Variants in EPRS1 observed in about 807,000 individuals in gnomAD.
The protein encoded by EPRS1 is bifunctional glutamate/proline--tRNA ligase.
Under a neutral mutation model 188.3 loss-of-function variants are expected in EPRS1, and 107 were observed. The observed-to-expected ratio is 0.57, with a 90% confidence interval of 0.49 to 0.67. The LOEUF is 0.67. EPRS1 is among the 30% of genes least tolerant of loss of function. The probability of loss-of-function intolerance (pLI) is 0.00; values close to 1 mark genes in which losing one functional copy is unlikely to be tolerated. For synonymous variants in EPRS1, 596 were observed against 593.1 expected (o/e 1.00, Z -0.07); for missense variants, 1,577 against 1,802.2 (o/e 0.88, Z 2.26).
At chr1:220,024,997 C>T in intron 7 of EPRS1, 135 bp downstream of exon 7, 1 of 827,496 alleles carries the variant, frequency 1.2e-6, no homozygotes, top group Non-Finnish European at 2.0e-6. Flanking sequence ...GCTTAGGTCT[C>T]AGATATGGAA....
At chr1:219,972,559 A>T (rs1373737810) in intron 29 of EPRS1, among the ~76,000 whole-genome samples, 1 of 152,192 alleles carries the variant, frequency 6.6e-6, no homozygotes, top group Non-Finnish European at 1.5e-5. Flanking sequence ...AGATGCAGGC[A>T]TTACCCTCTC....
intron 30 of EPRS1, 100 bp from the exon 31 acceptor site, chr1:219,969,222 G>C (rs1334462392): frequency 1.2e-6 from 1 of 845,124 alleles, no homozygotes; most frequent in Non-Finnish European, 1.9e-6. Flanking sequence ...AAGCAAAAAG[G>C]ATAGGTCTCC....
chr1:220,007,428 C>T (rs1349320913), intron 13 of EPRS1, 90 bp from the exon 14 acceptor site: 14 of 1,299,624 alleles, frequency 1.1e-5, no homozygotes, highest in Non-Finnish European at 1.3e-5. Context: ...ATTCTTTAAC[C>T]ATACAAAAGT....
chr1:219,991,558 G>A (rs1256615463), intron 18 of EPRS1, among the ~76,000 whole-genome samples: 2 of 152,118 alleles, frequency 1.3e-5, no homozygotes, highest in Admixed American at 6.6e-5. Context: ...ATTTTTTAAA[G>A]TCTGCTAGGA....
At chr1:220,026,100 TATTTTTTAACTTTA>T (rs1661967588) in intron 6 of EPRS1, among the ~76,000 whole-genome samples, 1 of 152,154 alleles carries the variant, frequency 6.6e-6, no homozygotes, top group African/African-American at 2.4e-5. Context: ...GCCAAAAGAT[TATTTTTTAACTTTA>T]ATTTTTTAAC....
intron 18 of EPRS1, among the ~76,000 whole-genome samples, chr1:219,993,677 T>C (rs1301190026): frequency 6.6e-6 from 1 of 152,204 alleles, no homozygotes; most frequent in Non-Finnish European, 1.5e-5. Flanking sequence ...AAATTATTAA[T>C]GTAAAACAAG....
At chr1:219,977,019 C>A (rs1660793886) in intron 28 of EPRS1, among the ~76,000 whole-genome samples, 1 of 152,064 alleles carries the variant, frequency 6.6e-6, no homozygotes, top group Non-Finnish European at 1.5e-5. Flanking sequence ...GGGTTCTGGC[C>A]TCACAATCAA....
chr1:219,990,641 A>T (rs1195833740), intron 18 of EPRS1, among the ~76,000 whole-genome samples: 6 of 152,172 alleles, frequency 3.9e-5, no homozygotes, highest in Non-Finnish European at 8.8e-5. Context: ...GGATTACAGA[A>T]AACAAAGATC....
Position 220,014,902 on chromosome 1 carries a change from T to A in EPRS1, c.1494+3547A>T, listed in dbSNP as rs535077089. Among the ~76,000 whole-genome samples, 32 of 152,322 alleles carry A rather than the reference T, an allele frequency of 2.1e-4. No homozygotes were observed. In the South Asian group the frequency reaches 6.2e-3, roughly 30 times the overall value. On this transcript the variant is annotated intron_variant, in intron 12 of 31. Transcript: ENST00000366923. The stretch of plus-strand genomic sequence containing the variant: ...TAAACAAATTGGGGAGAAGAGACAC[T>A]ACTCTGCAGAAAACCCTACTATTAA...
In EPRS1 at chr1:219,991,241, A is replaced by C. The variant is rs909615638; in HGVS notation, c.2542-2418T>G. ...AGGAGTGACCTTAAAAAAAAAAAAA[A>C]AAAAAAACCTGGAACATTATCCATT... On this transcript the variant is annotated intron_variant, in intron 18 of 31. Coordinates refer to ENST00000366923, the MANE Select transcript of EPRS1 (RefSeq NM_004446.3). Among the ~76,000 whole-genome samples, 18 of 152,000 alleles carry C rather than the reference A, an allele frequency of 1.2e-4. No homozygotes were observed. The East Asian group carries it at 2.9e-3, about 24-fold the overall frequency.
intron 17 of EPRS1, among the ~76,000 whole-genome samples, chr1:219,997,837 T>C (rs1661266101): frequency 6.6e-6 from 1 of 152,192 alleles, no homozygotes; most frequent in South Asian, 2.1e-4. Context: ...TAGGTATCAC[T>C]ATTAATTTTT....
chr1:220,014,468 G>T (rs1223876966), intron 12 of EPRS1, among the ~76,000 whole-genome samples: 1 of 152,152 alleles, frequency 6.6e-6, no homozygotes, highest in East Asian at 1.9e-4. Flanking sequence ...GTGAATAAGA[G>T]GGTATCTAGA....
In EPRS1 at chr1:220,005,357, C is replaced by A; in HGVS notation, c.1954G>T (p.Glu652Ter). The A allele has an allele frequency of 6.7e-7, 1 of 1,488,572 alleles. No individual in the cohort carries two copies. The highest frequency in any genetic ancestry group is 9.1e-7 in the Non-Finnish European group (1 of 1,100,006). 92.2% of individuals were successfully genotyped at this position (1,488,572 alleles called of 1,614,324 possible). The change falls in exon 16 of 32, where the codon GAA (glutamate) becomes TAA (stop). Residue 652 changes from glutamate to a stop codon, truncating the protein, a stop_gained. Coordinates refer to ENST00000366923, the MANE Select transcript of EPRS1 (RefSeq NM_004446.3). LOFTEE classifies it high-confidence loss of function. The part of the protein sequence containing the change: ...KQYVNKNSKH[E>*]ELMLGDPCLK... Reference sequence around the variant, plus strand: ...CAGGGATCCCCTAGCATTAGCTCTTCATGCTGTAAAGATGATATAAACCAA... The same window carrying A: ...CAGGGATCCCCTAGCATTAGCTCTTAATGCTGTAAAGATGATATAAACCAA...
In EPRS1 at chr1:219,979,986, T is replaced by G. The variant is rs559445163; in HGVS notation, c.3711+99A>C. 607 of 948,234 alleles carry G rather than the reference T, an allele frequency of 6.4e-4. 3 individuals carry two copies. The African/African-American group carries it at 7.2e-3, about 11-fold the overall frequency. 58.7% of individuals were successfully genotyped at this position (948,234 alleles called of 1,614,324 possible). ...ATACGAAAGTACATGAAACACTTATTTTTTAAGAGTCTACTTCTGTGATGA... is the reference window on the plus strand; with the variant it reads ...ATACGAAAGTACATGAAACACTTATGTTTTAAGAGTCTACTTCTGTGATGA... On this transcript the variant is annotated intron_variant, in intron 26 of 31. Transcript: ENST00000366923.
In EPRS1 at chr1:219,973,241, G is replaced by C. The variant is rs752600692; in HGVS notation, c.4241C>G (p.Thr1414Arg). 3 of 1,611,462 alleles carry C rather than the reference G, an allele frequency of 1.9e-6. No individual in the cohort carries two copies. The highest frequency in any genetic ancestry group is 2.5e-6 in the Non-Finnish European group (3 of 1,178,586). Reference protein sequence around the residue: ...ILEDIQVTLFTRASEDLKTHM... With the variant: ...ILEDIQVTLFRRASEDLKTHM... ...ATAAGCAATTTTAAGAAACTACCTT[G>C]TGAAAAGGGTGACCTGGATGTCTTC... Residue 1414 changes from threonine (T) to arginine (R), a missense_variant, in exon 29 of 32, where the codon ACA becomes AGA. Thr to Arg is a moderately conservative substitution (Grantham distance 71). This residue lies in a region of EPRS1 where 296 missense variants were observed against 327.9 expected (regional missense o/e 0.90). Transcript: ENST00000366923.
At position 219,973,418 on chromosome 1, in the gene EPRS1, G is replaced by A; in HGVS notation, c.4084-20C>T. ...AACTCCCTATAAGATAAAAAAGGCA[G>A]TTAAAATGATATATGAATGTCTCCA... is the stretch of plus-strand genomic sequence containing the variant. On this transcript the variant is annotated intron_variant, in intron 28 of 31. Coordinates refer to ENST00000366923, the MANE Select transcript of EPRS1 (RefSeq NM_004446.3). The A allele has an allele frequency of 6.4e-7, 1 of 1,564,538 alleles. No homozygotes were observed.
intron 23 of EPRS1, 134 bp downstream of exon 23, chr1:219,982,638 T>G: frequency 1.5e-6 from 1 of 671,400 alleles, no homozygotes; most frequent in Non-Finnish European, 2.6e-6. Context: ...GCATTCAATC[T>G]TCATCAACAT....
Position 220,020,222 on chromosome 1 carries a change from C to A in EPRS1, c.1116-1G>T. 1 of 1,585,672 alleles carries A rather than the reference C, an allele frequency of 6.3e-7. No homozygotes were observed. Among genetic ancestry groups the A allele is most frequent in the South Asian group, 1.1e-5 (1 of 87,988 alleles). On this transcript the variant is annotated splice_acceptor_variant, in intron 9 of 31. Coordinates refer to ENST00000366923, the MANE Select transcript of EPRS1 (RefSeq NM_004446.3). LOFTEE classifies it high-confidence loss of function. Reference sequence around the variant, plus strand: ...GGCAAAATCATATGTTGGATAAACACTAGAAAAAAAGAAAATAAAATAAAC... The same window carrying A: ...GGCAAAATCATATGTTGGATAAACAATAGAAAAAAAGAAAATAAAATAAAC...
intron 20 of EPRS1, among the ~76,000 whole-genome samples, chr1:219,984,593 T>C (rs1660967586): frequency 6.6e-6 from 1 of 152,224 alleles, no homozygotes; most frequent in African/African-American, 2.4e-5. Context: ...TTTTTTTATT[T>C]TTATTTTTTG....
Sources: allele counts gnomAD v4.1 joint callset (sites outside exome capture counted in the v4.1 genomes callset), GRCh38; gene constraint gnomAD v4.1.1; regional missense constraint gnomAD v4.1.1; transcripts MANE v1.5; gene names NCBI Gene and HGNC (gene_info 2026-07-23, HGNC 2026-07-21).